The following CCDC148 variants were observed in gnomAD, a reference collection of about 807,000 sequenced individuals.
CCDC148 encodes coiled-coil domain-containing protein 148.
CCDC148 carries 89 observed loss-of-function variants against 85.7 expected under a neutral mutation model. The observed-to-expected ratio is 1.04, with a 90% CI of 0.87 to 1.24. CCDC148 has a LOEUF of 1.24. CCDC148 is among the 50% of genes most tolerant of loss of function. The pLI, the probability that CCDC148 is intolerant of heterozygous loss-of-function variation, is 0.00. For missense variants in CCDC148, 692 were observed against 671.7 expected (o/e 1.03, Z -0.33); for synonymous variants, 230 against 213.9 (o/e 1.08, Z -0.66).
chr2:158,198,198 C>G (rs1685774199), intron 11 of CCDC148, among the ~76,000 whole-genome samples: 1 of 152,150 alleles, frequency 6.6e-6, no homozygotes, highest in Non-Finnish European at 1.5e-5. Context: ...CTGGCACCCC[C>G]TACCTGGTTT....
intron 1 of CCDC148, among the ~76,000 whole-genome samples, chr2:158,386,770 G>A (rs1685103256): frequency 6.6e-6 from 1 of 151,838 alleles, no homozygotes; most frequent in Admixed American, 6.6e-5. Context: ...TCTCCTTCAG[G>A]GATTTTCCCC....
At position 158,176,669 on chromosome 2, in the gene CCDC148, T is replaced by C; in HGVS notation, c.1489-8A>G. ...TTGAGCAACAACAGCAACCTAAAAATGAGAAAGCATGGCTACTTGGAACAA... is the reference window on the plus strand; with the variant it reads ...TTGAGCAACAACAGCAACCTAAAAACGAGAAAGCATGGCTACTTGGAACAA... On this transcript the variant is annotated splice_polypyrimidine_tract_variant and splice_region_variant and intron_variant, in intron 12 of 13. Transcript: ENST00000283233. The C allele has an allele frequency of 6.2e-7, 1 of 1,611,258 alleles. No homozygotes were observed. The highest frequency in any genetic ancestry group is 8.5e-7 in the Non-Finnish European group (1 of 1,178,528).
chr2:158,368,935 A>C (rs1684314243), intron 1 of CCDC148, among the ~76,000 whole-genome samples: 2 of 152,026 alleles, frequency 1.3e-5, no homozygotes, highest in South Asian at 4.1e-4. Context: ...CTTTTCTAAG[A>C]AAATCTTTTT....
At position 158,178,910 on chromosome 2, in the gene CCDC148, C is replaced by T; in HGVS notation, c.1457G>A (p.Arg486Lys). ...ALQEAHEDKE[R>K]ARRLEALRKQ... is the part of the protein sequence containing the mutation. Reference sequence around the variant, plus strand: ...CCTAAGGGCTTCTAGCCGCCGTGCTCTCTCTTTGTCTTCATGAGCTTCTTG... The same window carrying T: ...CCTAAGGGCTTCTAGCCGCCGTGCTTTCTCTTTGTCTTCATGAGCTTCTTG... Residue 486 changes from arginine (R) to lysine (K), a missense_variant, in exon 12 of 14, where the codon AGA becomes AAA. By Grantham distance (26) the Arg-to-Lys change is conservative. Coordinates refer to ENST00000283233, the MANE Select transcript of CCDC148 (RefSeq NM_138803.4). 1 of 1,613,604 alleles carries T rather than the reference C, an allele frequency of 6.2e-7. No homozygotes were observed. Among genetic ancestry groups the T allele is most frequent in the Non-Finnish European group, 8.5e-7 (1 of 1,179,716 alleles).
Position 158,456,570 on chromosome 2 carries a change from A to C in CCDC148, c.-131T>G. ...TTCCTACCTTTGACGCCAGGGACAA[A>C]CCCTACCAGGCACAGTTGGGATTGG... is the stretch of plus-strand genomic sequence containing the variant. On this transcript the variant is annotated 5_prime_UTR_variant, in exon 1 of 14. Coordinates refer to ENST00000283233, the MANE Select transcript of CCDC148 (RefSeq NM_138803.4). 1 of 1,152,204 alleles carries C rather than the reference A, an allele frequency of 8.7e-7. No homozygotes were observed. The highest frequency in any genetic ancestry group is 1.2e-6 in the Non-Finnish European group (1 of 823,426). 71.4% of individuals were successfully genotyped at this position (1,152,204 alleles called of 1,614,324 possible).
At chr2:158,344,671 C>T (rs568027735) in intron 3 of CCDC148, among the ~76,000 whole-genome samples, 40 of 152,052 alleles carry the variant, frequency 2.6e-4, no homozygotes, top group Non-Finnish European at 5.2e-4. Flanking sequence ...TTTATCTTTA[C>T]GTGACAGCTG....
intron 11 of CCDC148, among the ~76,000 whole-genome samples, chr2:158,201,376 A>G (rs984648959): frequency 2.6e-5 from 4 of 151,886 alleles, no homozygotes; most frequent in African/African-American, 9.7e-5. Context: ...AATATATCCA[A>G]ATAATGTATA....
At chr2:158,188,916 G>A (rs114325604) in intron 11 of CCDC148, among the ~76,000 whole-genome samples, 8,411 of 151,720 alleles carry the variant, frequency 0.055, 781 homozygotes, top group African/African-American at 0.19. Context: ...AACCCATTAA[G>A]AAGTAGGCAA....
At chr2:158,433,074 C>CAAAAAAAAAAAAAAA (rs755383954) in intron 1 of CCDC148, among the ~76,000 whole-genome samples, 3 of 74,022 alleles carry the variant, frequency 4.1e-5, no homozygotes, top group African/African-American at 5.1e-5. Flanking sequence ...CTCATCTCTA[C>CAAAAAAAAAAAAAAA]AAAAAAAAAA....
intron 1 of CCDC148, among the ~76,000 whole-genome samples, chr2:158,360,856 G>T (rs540696595): frequency 6.6e-6 from 1 of 151,894 alleles, no homozygotes; most frequent in East Asian, 2.0e-4. Context: ...GGCTTCAGAA[G>T]GTGGGTAATA....
chr2:158,342,141 T>C (rs1376394860), intron 3 of CCDC148, among the ~76,000 whole-genome samples: 1 of 148,854 alleles, frequency 6.7e-6, no homozygotes, highest in African/African-American at 2.5e-5. Context: ...GCAATTCTCC[T>C]GCCTCAGCCT....
At chr2:158,420,344 C>T (rs1157832161) in intron 1 of CCDC148, among the ~76,000 whole-genome samples, 1 of 152,118 alleles carries the variant, frequency 6.6e-6, no homozygotes, top group Non-Finnish European at 1.5e-5. Context: ...GGAGAAAGGT[C>T]GAGTTACTCA....
intron 1 of CCDC148, among the ~76,000 whole-genome samples, chr2:158,443,034 TTTTGTTTGTTTG>T (rs139862306): frequency 1.5e-4 from 23 of 151,934 alleles, no homozygotes; most frequent in African/African-American, 5.6e-4. Context: ...CAGTCATAGT[TTTTGTTTGTTTG>T]TTTGTTTGTT....
At chr2:158,350,672 G>A (rs1683216945) in intron 2 of CCDC148, among the ~76,000 whole-genome samples, 1 of 152,114 alleles carries the variant, frequency 6.6e-6, no homozygotes, top group South Asian at 2.1e-4. Flanking sequence ...AAAAATTGGG[G>A]TGGGATAATG....
intron 10 of CCDC148, among the ~76,000 whole-genome samples, chr2:158,227,128 G>T (rs184513059): frequency 0.022 from 3,385 of 152,194 alleles, 66 homozygotes; most frequent in African/African-American, 0.053. Context: ...CAAAATCAAT[G>T]TACAAAAATC....
intron 1 of CCDC148, among the ~76,000 whole-genome samples, chr2:158,432,136 A>G (rs1687382220): frequency 6.6e-6 from 1 of 152,144 alleles, no homozygotes; most frequent in Non-Finnish European, 1.5e-5. Flanking sequence ...ACCACTAAAA[A>G]TTATAACTAA....
At chr2:158,331,287 G>GT (rs1693100273) in intron 7 of CCDC148, among the ~76,000 whole-genome samples, 1 of 152,162 alleles carries the variant, frequency 6.6e-6, no homozygotes, top group African/African-American at 2.4e-5. Context: ...TCAGGAGCAG[G>GT]TTGTTCAGTT....
intron 1 of CCDC148, among the ~76,000 whole-genome samples, chr2:158,372,079 A>T (rs7564839): frequency 2.6e-5 from 4 of 151,810 alleles, no homozygotes; most frequent in Non-Finnish European, 5.9e-5. Context: ...CCCAGTTTCC[A>T]TGGGACTTCA....
intron 11 of CCDC148, among the ~76,000 whole-genome samples, chr2:158,196,685 C>T (rs1476388678): frequency 1.3e-5 from 2 of 152,092 alleles, no homozygotes; most frequent in Non-Finnish European, 2.9e-5. Context: ...TCACACTGGC[C>T]CTCCTTTTTA....
Sources: allele counts gnomAD v4.1 joint callset (sites outside exome capture counted in the v4.1 genomes callset), GRCh38; gene constraint gnomAD v4.1.1; transcripts MANE v1.5; gene names NCBI Gene and HGNC (gene_info 2026-07-23, HGNC 2026-07-21).